LUC7L: variants seen among roughly 807,000 people sequenced by gnomAD.
The protein encoded by LUC7L is putative RNA-binding protein Luc7-like 1.
In LUC7L, 29 loss-of-function variants were observed where a neutral mutation model predicts 51.1. That is an observed-to-expected ratio of 0.57 (90% CI 0.42 to 0.77). The LOEUF (loss-of-function observed/expected upper bound fraction) is 0.77. LUC7L is among the 30% of genes least tolerant of loss of function. The probability of loss-of-function intolerance (pLI) is 0.00; values close to 1 mark genes in which losing one functional copy is unlikely to be tolerated. For synonymous variants in LUC7L, 181 were observed against 180.7 expected (o/e 1.00, Z -0.01); for missense variants, 403 against 511.9 (o/e 0.79, Z 2.05).
intron 1 of LUC7L, chr16:228,842 G>A: frequency 7.7e-7 from 1 of 1,294,934 alleles, no homozygotes; most frequent in Non-Finnish European, 1.0e-6. Flanking sequence ...AACCAGAGCG[G>A]GCCAGGTTTT....
intron 1 of LUC7L, chr16:228,779 C>T: frequency 1.6e-6 from 2 of 1,284,338 alleles, no homozygotes; most frequent in Non-Finnish European, 2.0e-6. Context: ...AAGTACTTGG[C>T]AGAAACCCAC....
Position 189,226 on chromosome 16 carries a change from G to A in LUC7L, c.1088C>T (p.Ser363Leu). The part of the protein sequence containing the change: ...SSNGKMASRR[S>L]EEKEAGEI ...GATCTCGCCGGCCTCCTTCTCTTCT[G>A]ACCTCCGTGAAGCCATCTTCCCGTT... The change falls in exon 10 of 10, where the codon TCA (serine) becomes TTA (leucine). Residue 363 changes from serine to leucine, a missense_variant. This residue lies in a region of LUC7L where 206 missense variants were observed against 218.3 expected (regional missense o/e 0.94). Transcript: ENST00000293872. The A allele has an allele frequency of 6.2e-7, 1 of 1,613,906 alleles. No individual in the cohort carries two copies. The highest frequency in any genetic ancestry group is 8.5e-7 in the Non-Finnish European group (1 of 1,179,946).
chr16:227,318 C>G lies in LUC7L; in HGVS notation c.80G>C (p.Arg27Thr), dbSNP rs1352090343. The G allele has an allele frequency of 1.9e-6, 3 of 1,610,006 alleles. No individual in the cohort carries two copies. In the Admixed American group the frequency reaches 5.0e-5, roughly 27 times the overall value. The change falls in exon 2 of 10, where the codon AGG becomes ACG. Residue 27 changes from arginine to threonine, a missense_variant. Around this residue, in one of 3 missense-constraint regions of LUC7L, gnomAD observed 182 missense variants for 248.4 expected, o/e 0.73. Transcript: ENST00000293872. ...GACACGGTCATCTGTAAACTTGACC[C>G]TCTGTCTGGTTTCGTCTCCTGAAAT... ...TARDGDETRQ[R>T]VKFTDDRVCK... is the part of the protein sequence containing the mutation.
At chr16:220,578 T>C (rs2049937163) in intron 3 of LUC7L, 71 bp downstream of exon 3, 3 of 1,147,144 alleles carry the variant, frequency 2.6e-6, no homozygotes, top group Admixed American at 3.8e-5. Context: ...CTTACGTATG[T>C]TACATTTTTC....
intron 5 of LUC7L, among the ~76,000 whole-genome samples, chr16:203,450 T>C (rs1459131104): frequency 6.6e-6 from 1 of 152,144 alleles, no homozygotes; most frequent in Non-Finnish European, 1.5e-5. Context: ...CTCATGACTC[T>C]AATCCCAGCA....
At chr16:194,480 C>T (rs753915665) in intron 6 of LUC7L, among the ~76,000 whole-genome samples, 8 of 152,162 alleles carry the variant, frequency 5.3e-5, no homozygotes, top group Non-Finnish European at 1.0e-4. Flanking sequence ...GGGAATTGAT[C>T]ACATTGTTTC....
chr16:200,496 AG>A (rs892565502), intron 5 of LUC7L, among the ~76,000 whole-genome samples: 2 of 152,028 alleles, frequency 1.3e-5, no homozygotes, highest in Non-Finnish European at 2.9e-5. Flanking sequence ...AAATTGTTTA[AG>A]CCCAGGAGGT....
intron 2 of LUC7L, among the ~76,000 whole-genome samples, chr16:221,377 G>A (rs2049964659): frequency 6.6e-6 from 1 of 151,952 alleles, no homozygotes; most frequent in South Asian, 2.1e-4. Flanking sequence ...CAAGGATTCA[G>A]TAAATGGCAG....
At chr16:205,184 C>T (rs1348857963) in intron 5 of LUC7L, among the ~76,000 whole-genome samples, 1 of 152,152 alleles carries the variant, frequency 6.6e-6, no homozygotes, top group African/African-American at 2.4e-5. Flanking sequence ...TGCATGTAGC[C>T]TCTTCTTTTT....
intron 6 of LUC7L, among the ~76,000 whole-genome samples, chr16:197,803 A>T (rs1469479292): frequency 6.6e-6 from 1 of 152,124 alleles, no homozygotes; most frequent in Admixed American, 6.6e-5. Context: ...AGTCAGCGAC[A>T]CGTCTGTCCC....
Position 229,183 on chromosome 16 carries a change from G to A in LUC7L, c.61+96C>T, listed in dbSNP as rs1265226056. 8 of 1,483,744 alleles carry A rather than the reference G, an allele frequency of 5.4e-6. No individual in the cohort carries two copies. The East Asian group carries it at 2.1e-4, about 40-fold the overall frequency. 91.9% of individuals were successfully genotyped at this position (1,483,744 alleles called of 1,614,324 possible). A position where few individuals can be genotyped will look rare whatever the true frequency, so the allele number is the denominator to read the frequency against. On this transcript the variant is annotated intron_variant, in intron 1 of 9. Coordinates refer to ENST00000293872, the MANE Select transcript of LUC7L (RefSeq NM_201412.3). ...AGGAGGAGCGATGCCCCGCGCAGGC[G>A]CAGGCGCAGACGATCGCGGCCCCCG...
chr16:195,928 T>C (rs904179890), intron 6 of LUC7L, among the ~76,000 whole-genome samples: 2 of 152,318 alleles, frequency 1.3e-5, no homozygotes, highest in East Asian at 3.9e-4. Flanking sequence ...ACTTTAATAA[T>C]TATTTATCAA....
At chr16:216,008 G>C (rs1038320527) in intron 3 of LUC7L, among the ~76,000 whole-genome samples, 6 of 148,126 alleles carry the variant, frequency 4.1e-5, no homozygotes, top group African/African-American at 1.5e-4. Flanking sequence ...CCGGTTTACT[G>C]TTTTTTTTTT....
At chr16:217,319 G>A (rs538218306) in intron 3 of LUC7L, among the ~76,000 whole-genome samples, 12 of 152,092 alleles carry the variant, frequency 7.9e-5, no homozygotes, top group East Asian at 7.7e-4. Flanking sequence ...ACACGGTCCA[G>A]GAATTTATTC....
rs759124989 is a variant in LUC7L, at chr16:189,241, A to T, written c.1073T>A (p.Met358Lys). The change falls in exon 10 of 10, where the codon ATG becomes AAG. Residue 358 changes from methionine to lysine, a missense_variant. By Grantham distance (95) the Met-to-Lys change is moderately conservative. Transcript: ENST00000293872. ...CTTCTCTTCTGACCTCCGTGAAGCC[A>T]TCTTCCCGTTGGAGCTCTCAAGCCT... Reference protein sequence around the residue: ...DWRLESSNGKMASRRSEEKEA... With the variant: ...DWRLESSNGKKASRRSEEKEA... 6.2e-7 allele frequency: 1 copy of T among 1,614,022 alleles called. No individual in the cohort carries two copies. Among genetic ancestry groups the T allele is most frequent in the Non-Finnish European group, 8.5e-7 (1 of 1,179,982 alleles).
At chr16:223,938 G>T (rs761701879) in intron 2 of LUC7L, among the ~76,000 whole-genome samples, 1 of 151,654 alleles carries the variant, frequency 6.6e-6, no homozygotes, top group African/African-American at 2.4e-5. Context: ...TCCTCCTCCC[G>T]AAGTGCTGGG....
At chr16:189,486 C>T in intron 9 of LUC7L, 147 bp from the exon 10 acceptor site, 1 of 1,425,618 alleles carries the variant, frequency 7.0e-7, no homozygotes, top group Non-Finnish European at 9.1e-7. Context: ...ACCAGACTTG[C>T]CCACCACATA....
chr16:197,131 C>G (rs1373163061), intron 6 of LUC7L, among the ~76,000 whole-genome samples: 1 of 150,322 alleles, frequency 6.7e-6, no homozygotes, highest in Non-Finnish European at 1.5e-5. Flanking sequence ...TGGTCTCAAT[C>G]TCCTGACCCA....
intron 4 of LUC7L, among the ~76,000 whole-genome samples, chr16:207,324 G>A (rs1368821539): frequency 6.6e-6 from 1 of 151,928 alleles, no homozygotes; most frequent in Non-Finnish European, 1.5e-5. Context: ...CCAAGCTCAA[G>A]TGATCCTCCC....
Sources: allele counts gnomAD v4.1 joint callset (sites outside exome capture counted in the v4.1 genomes callset), GRCh38; gene constraint gnomAD v4.1.1; regional missense constraint gnomAD v4.1.1; transcripts MANE v1.5; gene names NCBI Gene and HGNC (gene_info 2026-07-23, HGNC 2026-07-21).